Variants in VNN2 observed in about 807,000 individuals in gnomAD.
The protein encoded by VNN2 is pantetheine hydrolase VNN2.
VNN2 carries 43 observed loss-of-function variants against 43.0 expected under a neutral mutation model. The ratio of observed to expected loss-of-function variants is 1.00; its 90% CI spans 0.78 to 1.29. The LOEUF (loss-of-function observed/expected upper bound fraction) is 1.29, where lower values mean the gene tolerates loss of function less well. VNN2 is among the 50% of genes most tolerant of loss of function. The pLI, the probability that VNN2 is intolerant of heterozygous loss-of-function variation, is 0.00. For synonymous variants in VNN2, 230 were observed against 224.3 expected, an observed-to-expected ratio of 1.03 and a Z score of -0.23; for missense variants, 652 against 619.7, an observed-to-expected ratio of 1.05 and a Z score of -0.55.
Position 132,757,367 on chromosome 6 carries a change from G to T in VNN2, c.344+49C>A, listed in dbSNP as rs112540055. Reference sequence around the variant, plus strand: ...AATCATTTTGCTTTGGTGAACGTGCGCATTTTAGAGAGTTACTTTTGCACA... The same window carrying T: ...AATCATTTTGCTTTGGTGAACGTGCTCATTTTAGAGAGTTACTTTTGCACA... On this transcript the variant is annotated intron_variant, in intron 2 of 6. Coordinates refer to ENST00000326499, the MANE Select transcript of VNN2 (RefSeq NM_004665.6). 104 of 1,539,880 alleles carry T rather than the reference G, an allele frequency of 6.8e-5. 1 individual carries two copies. The African/African-American group carries it at 1.1e-3, about 17-fold the overall frequency.
At position 132,749,768 on chromosome 6, in the gene VNN2, C is replaced by G. The variant is rs768079209; in HGVS notation, c.1298G>C (p.Gly433Ala). 6.2e-7 allele frequency: 1 copy of G among 1,614,036 alleles called. No individual in the cohort carries two copies. Among genetic ancestry groups the G allele is most frequent in the Non-Finnish European group, 8.5e-7 (1 of 1,179,968 alleles). ...AAAAACATACTCTGTTCCAAATGTG[C>G]CACTGAGGGAGAACATTTCAAATCT... ...STRFEMFSLSGTFGTEYVFPE... is the reference protein window; with the variant it reads ...STRFEMFSLSATFGTEYVFPE... Residue 433 changes from glycine (G) to alanine (A), a missense_variant, in exon 6 of 7, where the codon GGC (glycine) becomes GCC (alanine). Coordinates refer to ENST00000326499, the MANE Select transcript of VNN2 (RefSeq NM_004665.6).
Position 132,755,929 on chromosome 6 carries a change from A to T in VNN2, c.451T>A (p.Ser151Thr). The T allele has an allele frequency of 6.2e-7, 1 of 1,614,060 alleles. No individual in the cohort carries two copies. Among genetic ancestry groups the T allele is most frequent in the Admixed American group, 1.7e-5 (1 of 60,022 alleles). The change falls in exon 3 of 7, where the codon TCC (serine) becomes ACC (threonine). Residue 151 changes from serine (S) to threonine (T), a missense_variant. Transcript: ENST00000326499. ...GDKKPCNSRD[S>T]TCPPNGYFQY... ...AAGTAGCCATTAGGAGGACATGTGGAGTCACGGGAATTACATGGCTTTTTG... is the reference window on the plus strand; with the variant it reads ...AAGTAGCCATTAGGAGGACATGTGGTGTCACGGGAATTACATGGCTTTTTG...
chr6:132,751,425 T>C lies in VNN2; in HGVS notation c.920A>G (p.His307Arg), dbSNP rs1286514994. The change falls in exon 5 of 7, where the codon CAT (histidine) becomes CGT (arginine). Residue 307 changes from histidine (H) to arginine (R), a missense_variant. Physicochemically the swap from His to Arg is conservative, Grantham distance 29. Transcript: ENST00000326499. ...GKLLLSEVDS[H>R]PLSSLAYPTA... ...TGGGTAGGCAAGCGAGGATAGGGGA[T>C]GTGAATCCACCTCTGAAAGGAGAAG... 6.2e-7 allele frequency: 1 copy of C among 1,614,200 alleles called. No individual in the cohort carries two copies. The highest frequency in any genetic ancestry group is 1.7e-5 in the Admixed American group (1 of 60,018).
upstream of VNN2, among the ~76,000 whole-genome samples, chr6:132,761,770 G>A (rs563370091): frequency 1.3e-5 from 2 of 152,158 alleles, no homozygotes; most frequent in Non-Finnish European, 2.9e-5. Context: ...TAGGTTTTAG[G>A]TCTTTAATTT....
upstream of VNN2, chr6:132,758,018 CTTCTTCTTCTTCTTCTTCTTCTTT>C (rs1458957740): frequency 8.2e-4 from 131 of 159,762 alleles, 1 homozygote; most frequent in Middle Eastern, 1.5e-3. Flanking sequence ...TCTTCTTCTT[CTTCTTCTTCTTCTTCTTCTTCTTT>C]TTTTTTTTTT....
intron 2 of VNN2, among the ~76,000 whole-genome samples, chr6:132,756,297 T>C (rs566922954): frequency 3.3e-5 from 5 of 152,308 alleles, no homozygotes; most frequent in African/African-American, 4.8e-5. Flanking sequence ...CCATCAGCAA[T>C]GAAATATCCT....
intron 6 of VNN2, among the ~76,000 whole-genome samples, chr6:132,746,055 C>T (rs956925534): frequency 6.6e-6 from 1 of 152,176 alleles, no homozygotes; most frequent in South Asian, 2.1e-4. Flanking sequence ...ATATTTGATC[C>T]TCACCAAATC....
intron 6 of VNN2, among the ~76,000 whole-genome samples, chr6:132,744,715 T>C (rs963314246): frequency 6.6e-6 from 1 of 152,118 alleles, no homozygotes; most frequent in Non-Finnish European, 1.5e-5. Context: ...AATGTAACCA[T>C]TAATGGAAAG....
upstream of VNN2, among the ~76,000 whole-genome samples, chr6:132,761,514 G>A (rs1004794918): frequency 2.6e-5 from 4 of 152,064 alleles, no homozygotes; most frequent in Admixed American, 6.6e-5. Context: ...ACAAAAACTA[G>A]CTGGGCATGG....
In VNN2 at chr6:132,752,638, A is replaced by G; in HGVS notation, c.649T>C (p.Tyr217His). The change falls in exon 4 of 7, where the codon TAT becomes CAT. Residue 217 changes from tyrosine to histidine, a missense_variant. Coordinates refer to ENST00000326499, the MANE Select transcript of VNN2 (RefSeq NM_004665.6). ...TTCACCAGGGTAACACCAGGATCATAGAAGAATATATCAAAGCACGTGAAA... is the reference window on the plus strand; with the variant it reads ...TTCACCAGGGTAACACCAGGATCATGGAAGAATATATCAAAGCACGTGAAA... ...GIFTCFDIFF[Y>H]DPGVTLVKDF... 2 of 1,614,214 alleles carry G rather than the reference A, an allele frequency of 1.2e-6. No homozygotes were observed. The highest frequency in any genetic ancestry group is 1.3e-5 in the African/African-American group (1 of 75,068).
rs1483232141 is a variant in VNN2, at chr6:132,743,995, T to G, written c.*305A>C. Reference sequence around the variant, plus strand: ...CCCTGAAACTCCTCACTCCCATACATACAAGTCCCCCATACACACAAAGTC... The same window carrying G: ...CCCTGAAACTCCTCACTCCCATACAGACAAGTCCCCCATACACACAAAGTC... On this transcript the variant is annotated 3_prime_UTR_variant, in exon 7 of 7. Transcript: ENST00000326499. 1 of 210,938 alleles carries G rather than the reference T, an allele frequency of 4.7e-6. No individual in the cohort carries two copies. The highest frequency in any genetic ancestry group is 9.3e-6 in the Non-Finnish European group (1 of 107,650). The allele number at this position is 210,938 out of a possible 1,614,324, so 13.1% of individuals were successfully genotyped here.
chr6:132,746,018 T>G (rs1169282491), intron 6 of VNN2, among the ~76,000 whole-genome samples: 2 of 152,230 alleles, frequency 1.3e-5, no homozygotes, highest in Non-Finnish European at 2.9e-5. Context: ...ACTTCACCAT[T>G]CACAAAGTGT....
chr6:132,757,762 G>C lies in VNN2; in HGVS notation c.122C>G (p.Thr41Arg). 1 of 1,614,054 alleles carries C rather than the reference G, an allele frequency of 6.2e-7. No individual in the cohort carries two copies. The highest frequency in any genetic ancestry group is 8.5e-7 in the Non-Finnish European group (1 of 1,180,016). Residue 41 changes from threonine to arginine, a missense_variant, in exon 1 of 7, where the codon ACA (threonine) becomes AGA (arginine). Coordinates refer to ENST00000326499, the MANE Select transcript of VNN2 (RefSeq NM_004665.6). ...YEHAVILPNK[T>R]ETPVSQEDAL... ...ATCCTCCTGAGAAACTGGTGTTTCT[G>C]TTTTATTTGGCAAAATGACAGCATG...
chr6:132,749,789 A>C lies in VNN2; in HGVS notation c.1277T>G (p.Phe426Cys), dbSNP rs145868780. Residue 426 changes from phenylalanine to cysteine, a missense_variant, in exon 6 of 7, where the codon TTT becomes TGT. Phe to Cys is a radical substitution (Grantham distance 205). Transcript: ENST00000326499. ...GRPVETASTR[F>C]EMFSLSGTFG... ...TGTGCCACTGAGGGAGAACATTTCA[A>C]ATCTTGTAGAAGCAGTTTCTACTGG... The C allele has an allele frequency of 1.8e-4, 284 of 1,614,136 alleles. No individual in the cohort carries two copies. Among genetic ancestry groups the C allele is most frequent in the Non-Finnish European group, 2.3e-4 (273 of 1,180,006 alleles).
At chr6:132,754,178 T>C (rs1780314866) in intron 3 of VNN2, among the ~76,000 whole-genome samples, 1 of 152,090 alleles carries the variant, frequency 6.6e-6, no homozygotes, top group Admixed American at 6.5e-5. Context: ...TAGCTTCAAA[T>C]GATTACTGCA....
At chr6:132,745,246 C>T (rs567481290) in intron 6 of VNN2, among the ~76,000 whole-genome samples, 16 of 152,212 alleles carry the variant, frequency 1.1e-4, no homozygotes, top group African/African-American at 3.6e-4. Flanking sequence ...GATGGAGTCT[C>T]GCTCTGTCAC....
At position 132,750,949 on chromosome 6, in the gene VNN2, C is replaced by A. The variant is rs146685215; in HGVS notation, c.1200+196G>T. ...GCAAGCAATAAGATTATACTTAATT[C>A]CCATTGTAAATATTTTATCCCAGTG... On this transcript the variant is annotated intron_variant, in intron 5 of 6. Transcript: ENST00000326499. Among the ~76,000 whole-genome samples the A allele has an allele frequency of 5.3e-5, 8 of 152,124 alleles. No homozygotes were observed. In the East Asian group the frequency reaches 1.5e-3, roughly 29 times the overall value.
chr6:132,757,899 AT>A lies in VNN2; in HGVS notation c.-17del. 1.2e-6 allele frequency: 2 copies of A among 1,603,688 alleles called. No individual in the cohort carries two copies. The highest frequency in any genetic ancestry group is 1.7e-6 in the Non-Finnish European group (2 of 1,173,024). ...AAGTGACCATGGCCAAGGTTTAGTGATTTCTGAAAGCAAAAATAACATTCAT... is the reference window on the plus strand; with the variant it reads ...AAGTGACCATGGCCAAGGTTTAGTGATTCTGAAAGCAAAAATAACATTCAT... On this transcript the variant is annotated 5_prime_UTR_variant, in exon 1 of 7. Transcript: ENST00000326499.
At chr6:132,756,637 C>T (rs974985139) in intron 2 of VNN2, among the ~76,000 whole-genome samples, 2 of 152,132 alleles carry the variant, frequency 1.3e-5, no homozygotes, top group African/African-American at 2.4e-5. Context: ...CTCTCATTTT[C>T]CTATTTATTG....
Sources: gnomAD v4.1 joint callset for allele counts (sites outside exome capture counted in the v4.1 genomes callset) on GRCh38, gnomAD v4.1.1 for gene constraint, MANE v1.5 for transcripts, NCBI Gene and HGNC (gene_info 2026-07-23, HGNC 2026-07-21) for gene names.